Variants in NSUN4 observed in about 807,000 individuals in gnomAD.
NSUN4 encodes 5-cytosine rRNA methyltransferase NSUN4.
Under a neutral mutation model 43.8 loss-of-function variants are expected in NSUN4, and 31 were observed. The ratio of observed to expected loss-of-function variants is 0.71; its 90% CI spans 0.53 to 0.96. The LOEUF (loss-of-function observed/expected upper bound fraction) is 0.96. NSUN4 is among the 40% of genes least tolerant of loss of function. NSUN4 has a pLI of 0.00. For missense variants in NSUN4, 439 were observed against 475.6 expected, an observed-to-expected ratio of 0.92 and a Z score of 0.72; for synonymous variants, 167 against 184.1, an observed-to-expected ratio of 0.91 and a Z score of 0.75.
intron 3 of NSUN4, among the ~76,000 whole-genome samples, chr1:46,351,060 T>C: frequency 6.6e-6 from 1 of 152,252 alleles, no homozygotes; most frequent in Non-Finnish European, 1.5e-5. Flanking sequence ...CATATAGTCA[T>C]ACTTAGTTGT....
rs777986197 is a variant in NSUN4 at position 46,347,031 on chromosome 1, C to T, written c.548C>T (p.Ala183Val). Reference sequence around the variant, plus strand: ...GACATCGTGCTTGACCTATGTGCAGCTCCTGGGGGAAAGACACTAGCGTTG... The same window carrying T: ...GACATCGTGCTTGACCTATGTGCAGTTCCTGGGGGAAAGACACTAGCGTTG... ...PGDIVLDLCA[A>V]PGGKTLALLQ... is the part of the protein sequence containing the mutation. The change falls in exon 3 of 6, where the codon GCT (alanine) becomes GTT (valine). Residue 183 changes from alanine to valine, a missense_variant. Physicochemically the swap from Ala to Val is moderately conservative, Grantham distance 64. Transcript: ENST00000474844. The T allele has an allele frequency of 1.2e-6, 2 of 1,614,218 alleles. No homozygotes were observed. The highest frequency in any genetic ancestry group is 2.2e-5 in the South Asian group (2 of 91,088).
At chr1:46,358,885 C>T (rs906666085) in intron 4 of NSUN4, among the ~76,000 whole-genome samples, 3 of 152,148 alleles carry the variant, frequency 2.0e-5, no homozygotes, top group Non-Finnish European at 2.9e-5. Context: ...GATGGAACTT[C>T]GTCTACTCTT....
rs369881666 is a variant in NSUN4 at position 46,349,839 on chromosome 1, GA to G, written c.592+2766del. Among the ~76,000 whole-genome samples the G allele has an allele frequency of 1.1e-3, 160 of 152,344 alleles. 2 individuals are homozygous for G. In the South Asian group the frequency reaches 0.017, roughly 16 times the overall value. On this transcript the variant is annotated intron_variant, in intron 3 of 5. Coordinates refer to ENST00000474844, the MANE Select transcript of NSUN4 (RefSeq NM_199044.4). The stretch of plus-strand genomic sequence containing the variant: ...GACTGAATGCTGTGGGAATCCATTA[GA>G]AGGGAGATGAGTAAGGGTAGGGTTA...
At chr1:46,347,917 A>C (rs7556425) in intron 3 of NSUN4, among the ~76,000 whole-genome samples, 9 of 144,160 alleles carry the variant, frequency 6.2e-5, no homozygotes, top group South Asian at 4.3e-4. Context: ...TCACTCTGTC[A>C]CCCAGGTTGG....
intron 1 of NSUN4, chr1:46,343,422 C>G: frequency 2.5e-6 from 1 of 399,646 alleles, no homozygotes; most frequent in Non-Finnish European, 4.4e-6. Flanking sequence ...TTGCAAAGAG[C>G]CTCTGCAGAT....
intron 4 of NSUN4, among the ~76,000 whole-genome samples, chr1:46,359,548 T>TAATTAAA (rs1663654547): frequency 7.8e-6 from 1 of 128,166 alleles, no homozygotes; most frequent in Non-Finnish European, 1.8e-5. Context: ...CACGCCCGGC[T>TAATTAAA]AAATTTTTTT....
chr1:46,379,436 G>A, the NSUN4 span, among the ~76,000 whole-genome samples: 2 of 152,268 alleles, frequency 1.3e-5, no homozygotes, highest in African/African-American at 2.4e-5. Context: ...CCAACATGGT[G>A]AAACCCCGTC....
chr1:46,361,858 C>A lies in NSUN4; in HGVS notation c.*12C>A. ...GTAGGCTGACATAGTATCACCCAAT[C>A]CCTGAAGCAAGAATACAAAGGGTAT... On this transcript the variant is annotated 3_prime_UTR_variant, in exon 6 of 6. Transcript: ENST00000474844. The A allele has an allele frequency of 2.5e-6, 4 of 1,609,952 alleles. No homozygotes were observed. Among genetic ancestry groups the A allele is most frequent in the Non-Finnish European group, 3.4e-6 (4 of 1,177,538 alleles).
chr1:46,343,708 AG>A lies in NSUN4; in HGVS notation c.94-1090del, dbSNP rs1159116250. 6 of 400,638 alleles carry A rather than the reference AG, an allele frequency of 1.5e-5. No homozygotes were observed. In the East Asian group the frequency reaches 2.1e-4, roughly 14 times the overall value. 24.8% of individuals were successfully genotyped at this position (400,638 alleles called of 1,614,324 possible). A position where few individuals can be genotyped will look rare whatever the true frequency, so the allele number is the denominator to read the frequency against. ...AGTAATCCTCAACAAAACACAAGTC[AG>A]GGCCAGAGTGAGAGTCCCCAACTTA... On this transcript the variant is annotated intron_variant, in intron 1 of 5. Coordinates refer to ENST00000474844, the MANE Select transcript of NSUN4 (RefSeq NM_199044.4).
At chr1:46,341,126 C>T (rs1166380082) in intron 1 of NSUN4, 6 of 1,287,938 alleles carry the variant, frequency 4.7e-6, no homozygotes, top group South Asian at 1.8e-5. Context: ...GTTACGTCTG[C>T]AGTCTCCTGA....
At position 46,345,232 on chromosome 1, in the gene NSUN4, GACC is replaced by G. The variant is rs1337068473; in HGVS notation, c.437+90_437+92del. On this transcript the variant is annotated intron_variant, in intron 2 of 5. Transcript: ENST00000474844. Reference sequence around the variant, plus strand: ...CCCAGCTTCTACCCTCTGTAATAAGGACCATAATATTGCTAATATTTATGGCAT... The same window carrying G: ...CCCAGCTTCTACCCTCTGTAATAAGGATAATATTGCTAATATTTATGGCAT... 60 of 965,652 alleles carry G rather than the reference GACC, an allele frequency of 6.2e-5. No individual in the cohort carries two copies. The East Asian group carries it at 1.2e-3, about 19-fold the overall frequency. The allele number at this position is 965,652 out of a possible 1,614,324, so 59.8% of individuals were successfully genotyped here.
chr1:46,342,989 C>G (rs1048019339), intron 1 of NSUN4: 1 of 399,542 alleles, frequency 2.5e-6, no homozygotes, highest in Admixed American at 4.4e-5. Context: ...TGACTGTGGT[C>G]CCTAGAGCTC....
At position 46,364,092 on chromosome 1, in the gene NSUN4, C is replaced by T. The variant is rs1664037320; in HGVS notation, c.*2246C>T. 1 of 148,556 alleles carries T rather than the reference C, an allele frequency of 6.7e-6. No individual in the cohort carries two copies. Among genetic ancestry groups the T allele is most frequent in the African/African-American group, 2.5e-5 (1 of 40,184 alleles). 9.2% of individuals were successfully genotyped at this position (148,556 alleles called of 1,614,324 possible). ...GCCAAGGTGGGAAGATCACTTGATC[C>T]CAGGAATTCTAGATCAGCTTGGACA... On this transcript the variant is annotated 3_prime_UTR_variant, in exon 6 of 6. Coordinates refer to ENST00000474844, the MANE Select transcript of NSUN4 (RefSeq NM_199044.4).
intron 4 of NSUN4, among the ~76,000 whole-genome samples, chr1:46,353,290 T>G (rs1160660998): frequency 2.6e-5 from 4 of 152,200 alleles, no homozygotes; most frequent in African/African-American, 9.7e-5. Context: ...TTACTTTATT[T>G]CTCAAGTCAC....
At chr1:46,341,714 G>A (rs1662119811) in intron 1 of NSUN4, 1 of 1,230,852 alleles carries the variant, frequency 8.1e-7, no homozygotes, top group Non-Finnish European at 1.0e-6. Context: ...TCCTGGAAAG[G>A]ACCTACTGCC....
chr1:46,360,257 T>A (rs1244366069), intron 4 of NSUN4, among the ~76,000 whole-genome samples: 1,684 of 35,348 alleles, frequency 0.048, 58 homozygotes, highest in African/African-American at 0.094. Context: ...AAAATATATA[T>A]ATATATATAT....
the NSUN4 span, among the ~76,000 whole-genome samples, chr1:46,376,096 T>TAAAAAAA: frequency 4.9e-5 from 2 of 40,870 alleles, no homozygotes; most frequent in African/African-American, 1.2e-4. Context: ...AGAGCGAAAC[T>TAAAAAAA]AAAAAAAAAA....
At chr1:46,342,744 TCCC>T in intron 1 of NSUN4, 1 of 398,084 alleles carries the variant, frequency 2.5e-6, no homozygotes, top group East Asian at 3.6e-5. Context: ...CACTCCAGTT[TCCC>T]CCCAACCGAA....
chr1:46,360,951 G>A, intron 5 of NSUN4, 123 bp downstream of exon 5: 2 of 1,111,742 alleles, frequency 1.8e-6, no homozygotes, highest in Non-Finnish European at 2.6e-6. Context: ...TCTGCCTAGA[G>A]GAGACAGAAA....
Sources: gnomAD v4.1 joint callset for allele counts (sites outside exome capture counted in the v4.1 genomes callset) on GRCh38, gnomAD v4.1.1 for gene constraint, MANE v1.5 for transcripts, NCBI Gene and HGNC (gene_info 2026-07-23, HGNC 2026-07-21) for gene names.